Variants in AFG2A observed in about 807,000 individuals in gnomAD.
AFG2A encodes the protein AAA ATPase AFG2A, also known as ATPase family gene 2 protein homolog A.
chr4:123,119,849 G>A, the AFG2A span, among the ~76,000 whole-genome samples: 1 of 152,140 alleles, frequency 6.6e-6, no homozygotes, highest in Non-Finnish European at 1.5e-5. Context: ...GTTTAGCATG[G>A]CTGAGCAGGC....
At chr4:123,270,723 G>A in the AFG2A span, among the ~76,000 whole-genome samples, 10,983 of 152,170 alleles carry the variant, frequency 0.072, 740 homozygotes, top group African/African-American at 0.18. Flanking sequence ...TTTAAGAATT[G>A]AAACCTTGAG....
chr4:123,242,359 A>G, the AFG2A span, among the ~76,000 whole-genome samples: 1 of 152,232 alleles, frequency 6.6e-6, no homozygotes, highest in South Asian at 2.1e-4. Flanking sequence ...ACTTCAAAGT[A>G]TACTACAAGG....
the AFG2A span, among the ~76,000 whole-genome samples, chr4:123,123,722 T>C: frequency 0.76 from 114,465 of 150,574 alleles, 43,696 homozygotes; most frequent in Non-Finnish European, 0.81. Flanking sequence ...CCGAGACGGG[T>C]GGATCACGAG....
the AFG2A span, among the ~76,000 whole-genome samples, chr4:123,035,980 G>A: frequency 6.6e-6 from 1 of 152,076 alleles, no homozygotes; most frequent in Non-Finnish European, 1.5e-5. Context: ...CTGATGTAGA[G>A]AAACTAGTTT....
chr4:123,075,373 A>G, the AFG2A span, among the ~76,000 whole-genome samples: 15 of 151,758 alleles, frequency 9.9e-5, no homozygotes, highest in African/African-American at 3.6e-4. Context: ...ATCTTGGCTT[A>G]CTGTAACCTT....
chr4:123,263,477 T>C, the AFG2A span, among the ~76,000 whole-genome samples: 78,722 of 152,028 alleles, frequency 0.52, 24,718 homozygotes, highest in Non-Finnish European at 0.67. Flanking sequence ...CAAATGGAGA[T>C]TTTACATCTC....
chr4:122,942,607 G>T, the AFG2A span, among the ~76,000 whole-genome samples: 1 of 152,028 alleles, frequency 6.6e-6, no homozygotes, highest in Non-Finnish European at 1.5e-5. Flanking sequence ...TTAATGTTTT[G>T]AAGGGTTTTT....
the AFG2A span, among the ~76,000 whole-genome samples, chr4:123,153,575 C>A: frequency 6.6e-6 from 1 of 150,814 alleles, no homozygotes; most frequent in Admixed American, 6.6e-5. Context: ...ATGATAGTTT[C>A]CTGTGTTGTT....
At chr4:123,157,704 C>T in the AFG2A span, among the ~76,000 whole-genome samples, 1 of 152,310 alleles carries the variant, frequency 6.6e-6, no homozygotes, top group East Asian at 1.9e-4. Flanking sequence ...TAAAACAAAT[C>T]TCTAGCCACA....
the AFG2A span, among the ~76,000 whole-genome samples, chr4:123,156,759 TAAAAAAAAAAAA>T: frequency 7.4e-6 from 1 of 134,828 alleles, no homozygotes; most frequent in Non-Finnish European, 1.6e-5. Context: ...TTAAGAAGAT[TAAAAAAAAAAAA>T]AAAAAGAAAA....
the AFG2A span, among the ~76,000 whole-genome samples, chr4:123,275,750 G>A: frequency 6.6e-6 from 1 of 152,054 alleles, no homozygotes; most frequent in African/African-American, 2.4e-5. Context: ...GTGGTATTTG[G>A]TTTTCTGCTG....
chr4:123,109,087 GA>G, the AFG2A span, among the ~76,000 whole-genome samples: 1 of 152,136 alleles, frequency 6.6e-6, no homozygotes, highest in Non-Finnish European at 1.5e-5. Flanking sequence ...AGACAGAGGG[GA>G]AAAAGAGAAA....
At chr4:122,945,237 A>G in the AFG2A span, among the ~76,000 whole-genome samples, 1 of 152,342 alleles carries the variant, frequency 6.6e-6, no homozygotes, top group South Asian at 2.1e-4. Flanking sequence ...CCCTGCCCCC[A>G]GAGGTGGAGC....
chr4:123,100,836 A>G, the AFG2A span, among the ~76,000 whole-genome samples: 2 of 151,994 alleles, frequency 1.3e-5, no homozygotes, highest in Non-Finnish European at 2.9e-5. Flanking sequence ...TACCAGATAT[A>G]GAAGTTATCC....
At chr4:123,246,949 C>T in the AFG2A span, among the ~76,000 whole-genome samples, 4 of 152,084 alleles carry the variant, frequency 2.6e-5, no homozygotes, top group Admixed American at 1.3e-4. Context: ...ATATGTGAAG[C>T]TCTTTGTTTC....
the AFG2A span, among the ~76,000 whole-genome samples, chr4:123,164,562 G>A: frequency 6.6e-6 from 1 of 151,864 alleles, no homozygotes; most frequent in Non-Finnish European, 1.5e-5. Flanking sequence ...GTAGAGATGG[G>A]GTTTCACCAT....
At chr4:123,192,459 A>G in the AFG2A span, among the ~76,000 whole-genome samples, 1 of 152,218 alleles carries the variant, frequency 6.6e-6, no homozygotes, top group African/African-American at 2.4e-5. Flanking sequence ...GCACCATCTA[A>G]AGATGGAGGC....
the AFG2A span, chr4:122,929,332 GA>G: frequency 1.1e-6 from 1 of 949,920 alleles, no homozygotes; most frequent in Non-Finnish European, 1.5e-6. Flanking sequence ...CAGGTACAAT[GA>G]ATTACAATAG....
the AFG2A span, among the ~76,000 whole-genome samples, chr4:123,090,050 T>C: frequency 6.6e-6 from 1 of 152,348 alleles, no homozygotes; most frequent in African/African-American, 2.4e-5. Flanking sequence ...ATCGGGATTG[T>C]GGTGATTACC....
Sources: allele counts gnomAD v4.1 joint callset (sites outside exome capture counted in the v4.1 genomes callset), GRCh38; gene constraint gnomAD v4.1.1; transcripts MANE v1.5; gene names NCBI Gene and HGNC (gene_info 2026-07-23, HGNC 2026-07-21).